Variants in CLUL1 observed in about 807,000 individuals in gnomAD.
CLUL1 encodes clusterin-like protein 1.
In CLUL1, 43 loss-of-function variants were observed where a neutral mutation model predicts 49.4. That is an observed-to-expected ratio of 0.87 (90% CI 0.68 to 1.12). The LOEUF is 1.12. Among genes scored for constraint, CLUL1 ranks in the 50% most tolerant of loss-of-function variants. CLUL1 has a pLI of 0.00. For synonymous variants in CLUL1, 192 were observed against 184.9 expected, an observed-to-expected ratio of 1.04 and a Z score of -0.31; for missense variants, 486 against 544.4, an observed-to-expected ratio of 0.89 and a Z score of 1.07.
Position 606,514 on chromosome 18 carries a change from C to G in CLUL1, c.-135-464C>G. ...AGTCCCGGAACCCACAGCTCTGAGA[C>G]TCTGGCTGTCCCCCAACCCACCCCA... On this transcript the variant is annotated intron_variant, in intron 1 of 9. Transcript: ENST00000692774. The surrounding 1 kb of genome is among the most constrained non-coding windows in gnomAD (Gnocchi z 4.1). 6.6e-6 allele frequency among the ~76,000 whole-genome samples: 1 copy of G among 152,162 alleles called. No individual in the cohort carries two copies. The highest frequency in any genetic ancestry group is 1.5e-5 in the Non-Finnish European group (1 of 68,022).
intron 1 of CLUL1, chr18:597,875 G>A (rs1353775071): frequency 6.6e-6 from 1 of 152,188 alleles, no homozygotes; most frequent in African/African-American, 2.4e-5. Flanking sequence ...ATTGTGCCAG[G>A]TCCTGGTTAA....
chr18:609,602 T>C (rs1257208211), intron 2 of CLUL1, among the ~76,000 whole-genome samples: 1 of 151,896 alleles, frequency 6.6e-6, no homozygotes, highest in Admixed American at 6.6e-5. Context: ...AGCAGGTGGG[T>C]CATTTGAGGT....
At chr18:645,811 ATATATATATATATATATATAT>A (rs1469455934) in intron 9 of CLUL1, among the ~76,000 whole-genome samples, 5 of 33,506 alleles carry the variant, frequency 1.5e-4, no homozygotes, top group Admixed American at 4.4e-4. Context: ...AAAAAAAAAA[ATATATATATATATATATATAT>A]ATATATATAT....
At chr18:648,007 T>C (rs1236979415) in intron 9 of CLUL1, among the ~76,000 whole-genome samples, 2 of 152,014 alleles carry the variant, frequency 1.3e-5, no homozygotes, top group African/African-American at 2.4e-5. Flanking sequence ...GTTGAATAAA[T>C]TAATTAATAA....
At chr18:609,858 G>T (rs566363945) in intron 2 of CLUL1, among the ~76,000 whole-genome samples, 171 of 149,960 alleles carry the variant, frequency 1.1e-3, no homozygotes, top group African/African-American at 3.9e-3. Flanking sequence ...AGATTTTGGA[G>T]CATTTTGGAT....
intron 6 of CLUL1, among the ~76,000 whole-genome samples, chr18:632,291 C>T (rs891610825): frequency 2.0e-5 from 3 of 151,776 alleles, no homozygotes; most frequent in African/African-American, 7.3e-5. Context: ...ACAGTATATG[C>T]ATCTCCACAC....
At chr18:622,225 C>T (rs961570952) in intron 4 of CLUL1, among the ~76,000 whole-genome samples, 6 of 152,164 alleles carry the variant, frequency 3.9e-5, no homozygotes, top group African/African-American at 1.4e-4. Flanking sequence ...CCCCTTCCTC[C>T]ACCCCTCCTT....
In CLUL1 at chr18:619,937, G is replaced by A. The variant is rs556790561; in HGVS notation, c.255+576G>A. ...GCTGGCCAGGCTGGTCCCGAACTCT[G>A]GGGCTCAAGTGATCCACCTGCCTCA... is the stretch of plus-strand genomic sequence containing the variant. On this transcript the variant is annotated intron_variant, in intron 4 of 9. Transcript: ENST00000692774. Among the ~76,000 whole-genome samples, 5 of 151,922 alleles carry A rather than the reference G, an allele frequency of 3.3e-5. No homozygotes were observed. The South Asian group carries it at 6.3e-4, about 19-fold the overall frequency.
chr18:626,938 G>A (rs75204386), intron 5 of CLUL1, among the ~76,000 whole-genome samples, 159 bp from the exon 6 acceptor site: 3,158 of 5,696 alleles, frequency 0.55, 1,058 homozygotes, highest in South Asian at 0.7. Context: ...AAGGAAAGAA[G>A]GAAAGAAGGA....
intron 9 of CLUL1, among the ~76,000 whole-genome samples, chr18:648,242 A>C (rs758663511): frequency 2.0e-5 from 3 of 152,340 alleles, no homozygotes; most frequent in Non-Finnish European, 4.4e-5. Flanking sequence ...ATTTCCCATA[A>C]AGTCATCTAT....
chr18:627,112 A>G lies in CLUL1; in HGVS notation c.439A>G (p.Arg147Gly). 6.2e-7 allele frequency: 1 copy of G among 1,610,006 alleles called. No homozygotes were observed. The highest frequency in any genetic ancestry group is 8.5e-7 in the Non-Finnish European group (1 of 1,177,192). Residue 147 changes from arginine to glycine, a missense_variant, in exon 6 of 10, where the codon AGG (arginine) becomes GGG (glycine). Transcript: ENST00000692774. ...TACTCCACAGATTGAACGGTTTTTC[A>G]GGAAGATATATCAATTTCTATTTCC... Reference protein sequence around the residue: ...SVKNKIERFFRKIYQFLFPFH... With the variant: ...SVKNKIERFFGKIYQFLFPFH...
intron 8 of CLUL1, among the ~76,000 whole-genome samples, chr18:643,266 G>C (rs1052473253): frequency 6.6e-6 from 1 of 152,098 alleles, no homozygotes; most frequent in Non-Finnish European, 1.5e-5. Flanking sequence ...GTAGACATAC[G>C]TGTGTGTTTT....
intron 4 of CLUL1, among the ~76,000 whole-genome samples, chr18:624,091 C>T (rs982296432): frequency 5.9e-5 from 9 of 152,174 alleles, no homozygotes; most frequent in Admixed American, 2.6e-4. Flanking sequence ...GGTGCTGACC[C>T]GTGAGGCACT....
At chr18:605,518 C>T (rs2072946874) in intron 1 of CLUL1, among the ~76,000 whole-genome samples, 1 of 151,282 alleles carries the variant, frequency 6.6e-6, no homozygotes, top group Non-Finnish European at 1.5e-5. Context: ...GTCCCAGCTA[C>T]TTGGGAAGTT....
In CLUL1 at chr18:645,651, G is replaced by A. The variant is rs192306900; in HGVS notation, c.1397+554G>A. ...TCTACTAAAATAAAAAAAATTAGCC[G>A]GGCGTGGTGGCGGGCGCCTGTAGTC... On this transcript the variant is annotated intron_variant, in intron 9 of 9. Transcript: ENST00000692774. 3.1e-3 allele frequency among the ~76,000 whole-genome samples: 459 copies of A among 150,256 alleles called. 2 individuals are homozygous for A. Among genetic ancestry groups the A allele is most frequent in the Non-Finnish European group, 5.0e-3 (337 of 67,450 alleles).
chr18:617,924 A>T (rs576627534), intron 2 of CLUL1, 64 bp from the exon 3 acceptor site: 1 of 1,403,644 alleles, frequency 7.1e-7, no homozygotes, highest in Non-Finnish European at 9.9e-7. Flanking sequence ...GGTGTTTTCA[A>T]TTGATGCCAA....
intron 1 of CLUL1, chr18:598,061 G>T (rs866531340): frequency 6.6e-6 from 1 of 152,306 alleles, no homozygotes; most frequent in Non-Finnish European, 1.5e-5. Context: ...TACTAATAAG[G>T]CCACTTTTAC....
chr18:603,074 A>T (rs2072876344), intron 1 of CLUL1, among the ~76,000 whole-genome samples: 1 of 152,230 alleles, frequency 6.6e-6, no homozygotes. Context: ...GTGAACAATC[A>T]GAATCAACTA....
intron 7 of CLUL1, among the ~76,000 whole-genome samples, chr18:633,665 C>A (rs12962608): frequency 1.3e-5 from 2 of 152,008 alleles, no homozygotes; most frequent in South Asian, 4.2e-4. Context: ...CGCACGTGGC[C>A]CCTGCTGCTG....
Sources: gnomAD v4.1 joint callset for allele counts (sites outside exome capture counted in the v4.1 genomes callset) on GRCh38, gnomAD v4.1.1 for gene constraint, Gnocchi (gnomAD v3.1) non-coding constraint, MANE v1.5 for transcripts, NCBI Gene and HGNC (gene_info 2026-07-23, HGNC 2026-07-21) for gene names.